The following TMEM116 variants were observed in gnomAD, a reference collection of about 807,000 sequenced individuals.
TMEM116 encodes transmembrane protein 116.
In TMEM116, 38 loss-of-function variants were observed where a neutral mutation model predicts 44.3. That is an observed-to-expected ratio of 0.86 (90% CI 0.66 to 1.12). The LOEUF is 1.12. Ranked by LOEUF, TMEM116 falls within the 50% of genes most tolerant of loss-of-function variation. The pLI is 0.00. For missense variants in TMEM116, 354 were observed against 401.7 expected, an observed-to-expected ratio of 0.88 and a Z score of 1.01; for synonymous variants, 132 against 144.8, an observed-to-expected ratio of 0.91 and a Z score of 0.64.
At chr12:111,940,527 A>G (rs570238937) in intron 5 of TMEM116, among the ~76,000 whole-genome samples, 1,236 of 112,356 alleles carry the variant, frequency 0.011, 30 homozygotes, top group African/African-American at 0.052. Flanking sequence ...ATATGTGTAT[A>G]TATATATATA....
intron 4 of TMEM116, among the ~76,000 whole-genome samples, chr12:111,954,497 T>C (rs936682258): frequency 6.6e-6 from 1 of 152,234 alleles, no homozygotes; most frequent in Non-Finnish European, 1.5e-5. Context: ...TTACATTTGT[T>C]ATCTAATTTC....
intron 4 of TMEM116, among the ~76,000 whole-genome samples, chr12:111,987,472 T>C (rs2076287949): frequency 6.8e-6 from 1 of 147,084 alleles, no homozygotes; most frequent in Non-Finnish European, 1.5e-5. Context: ...GCCACTGCAC[T>C]CCAGCCTGGG....
chr12:111,966,413 A>G (rs2074989461), intron 4 of TMEM116, among the ~76,000 whole-genome samples: 1 of 152,222 alleles, frequency 6.6e-6, no homozygotes, highest in Non-Finnish European at 1.5e-5. Flanking sequence ...CTGATGCCTG[A>G]GTGTACTGTC....
intron 4 of TMEM116, among the ~76,000 whole-genome samples, chr12:111,972,385 T>C (rs951454377): frequency 3.9e-5 from 6 of 152,158 alleles, no homozygotes; most frequent in African/African-American, 1.4e-4. Flanking sequence ...TCCACAATTA[T>C]AGTCAGATAT....
intron 4 of TMEM116, among the ~76,000 whole-genome samples, chr12:111,950,204 G>C (rs1333446502): frequency 6.6e-6 from 1 of 151,968 alleles, no homozygotes; most frequent in Non-Finnish European, 1.5e-5. Context: ...TTGTGCCCGG[G>C]GTATGGGCAA....
intron 4 of TMEM116, among the ~76,000 whole-genome samples, chr12:111,948,947 A>G (rs1370699126): frequency 1.4e-5 from 2 of 141,922 alleles, no homozygotes; most frequent in Admixed American, 1.4e-4. Flanking sequence ...TTAGCTGGGC[A>G]TGGTGGTGCA....
At chr12:111,964,440 CAAA>C (rs553179003) in intron 4 of TMEM116, among the ~76,000 whole-genome samples, 9 of 62,134 alleles carry the variant, frequency 1.4e-4, no homozygotes, top group Non-Finnish European at 1.3e-4. Flanking sequence ...GACTCCATCT[CAAA>C]AAAAAAAAAA....
chr12:111,960,343 T>A (rs1245812694), intron 4 of TMEM116, among the ~76,000 whole-genome samples: 1 of 150,932 alleles, frequency 6.6e-6, no homozygotes, highest in Non-Finnish European at 1.5e-5. Context: ...ACAAAAAAAA[T>A]TAGCTGGGGG....
intron 4 of TMEM116, among the ~76,000 whole-genome samples, chr12:111,979,458 A>G (rs2075835122): frequency 6.6e-6 from 1 of 152,184 alleles, no homozygotes; most frequent in Non-Finnish European, 1.5e-5. Context: ...GAAAACAGAA[A>G]GCAGACTGGT....
chr12:111,931,754 AGTT>A lies in TMEM116; in HGVS notation c.878_880del (p.Gln293del), dbSNP rs1490606558. 1 of 1,607,940 alleles carries A rather than the reference AGTT, an allele frequency of 6.2e-7. No homozygotes were observed. Among genetic ancestry groups the A allele is most frequent in the South Asian group, 1.1e-5 (1 of 89,872 alleles). ...TGCATCACGCCGAGCCTCCTGCTTT[AGTT>A]GGTGGAATTTGTGCTGCGTCCAGCC... is the stretch of plus-strand genomic sequence containing the variant. On this transcript the variant is annotated inframe_deletion, in exon 11 of 11. Transcript: ENST00000552374.
At chr12:111,999,693 TTC>T (rs1324643235) in intron 3 of TMEM116, among the ~76,000 whole-genome samples, 6 of 152,112 alleles carry the variant, frequency 3.9e-5, no homozygotes, top group Non-Finnish European at 5.9e-5. Context: ...GTTTCAAACT[TTC>T]TGTTTAAAAC....
chr12:111,957,635 C>T (rs1482872217), intron 4 of TMEM116, among the ~76,000 whole-genome samples: 49 of 150,892 alleles, frequency 3.2e-4, no homozygotes, highest in African/African-American at 7.5e-4. Context: ...CCCCTCTGCC[C>T]GGCTGCCCCG....
chr12:112,013,138 TCTC>T lies in TMEM116; in HGVS notation c.-173_-171del, dbSNP rs1427174618. 6 of 315,738 alleles carry T rather than the reference TCTC, an allele frequency of 1.9e-5. No individual in the cohort carries two copies. Among genetic ancestry groups the T allele is most frequent in the Non-Finnish European group, 3.5e-5 (6 of 170,480 alleles). The allele number at this position is 315,738 out of a possible 1,614,324, so 19.6% of individuals were successfully genotyped here. A position where few individuals can be genotyped will look rare whatever the true frequency, so the allele number is the denominator to read the frequency against. On this transcript the variant is annotated 5_prime_UTR_variant, in exon 1 of 11. Coordinates refer to ENST00000552374, the MANE Select transcript of TMEM116 (RefSeq NM_001193531.2). ...AGCGTCCCCATGCGCACTTGGCGCT[TCTC>T]CTCAAGCGGAGCAGGAACGGAACTG...
At chr12:111,957,052 C>T (rs534577628) in intron 4 of TMEM116, among the ~76,000 whole-genome samples, 38 of 152,034 alleles carry the variant, frequency 2.5e-4, no homozygotes, top group Admixed American at 7.2e-4. Flanking sequence ...GCCACCACCC[C>T]GTCTAGGAAG....
At chr12:111,940,147 C>A (rs1243707172) in intron 5 of TMEM116, among the ~76,000 whole-genome samples, 1 of 151,704 alleles carries the variant, frequency 6.6e-6, no homozygotes, top group Non-Finnish European at 1.5e-5. Context: ...GTGGCATGCA[C>A]CTGTAGTCCC....
At chr12:111,933,824 T>C (rs1476112723) in intron 9 of TMEM116, 62 bp downstream of exon 9, 3 of 1,594,494 alleles carry the variant, frequency 1.9e-6, no homozygotes, top group Middle Eastern at 2.0e-4. Context: ...GAGACCACTT[T>C]GCTTGATCAG....
chr12:111,994,233 C>A (rs1467337965), intron 3 of TMEM116, among the ~76,000 whole-genome samples: 2 of 152,028 alleles, frequency 1.3e-5, no homozygotes, highest in African/African-American at 4.8e-5. Context: ...AAACCCAACT[C>A]TTCAGGAAAA....
chr12:111,945,343 CAAAAAAAAAAAAAA>C (rs917839133), intron 4 of TMEM116, among the ~76,000 whole-genome samples: 26 of 33,812 alleles, frequency 7.7e-4, no homozygotes, highest in African/African-American at 1.9e-3. Flanking sequence ...GACTCCATCT[CAAAAAAAAAAAAAA>C]AAAAAAAAAA....
In TMEM116 at chr12:111,981,213, G is replaced by A. The variant is rs778459741; in HGVS notation, c.210+10545C>T. 1.7e-4 allele frequency among the ~76,000 whole-genome samples: 26 copies of A among 151,986 alleles called. 1 individual carries two copies. Among genetic ancestry groups the A allele is most frequent in the Non-Finnish European group, 1.2e-4 (8 of 67,994 alleles). On this transcript the variant is annotated intron_variant, in intron 4 of 10. Coordinates refer to ENST00000552374, the MANE Select transcript of TMEM116 (RefSeq NM_001193531.2). ...TCCAAAAATCTATCCTTCCACTAAC[G>A]CAACAATTAAGCTGGATAAAAACCA...
Sources: allele counts gnomAD v4.1 joint callset (sites outside exome capture counted in the v4.1 genomes callset), GRCh38; gene constraint gnomAD v4.1.1; transcripts MANE v1.5; gene names NCBI Gene and HGNC (gene_info 2026-07-23, HGNC 2026-07-21).